Variants in FAS observed in about 807,000 individuals in gnomAD.
FAS encodes Fas cell surface death receptor.
Under a neutral mutation model 33.2 loss-of-function variants are expected in FAS, and 5 were observed. The ratio of observed to expected loss-of-function variants is 0.15; its 90% confidence interval spans 0.08 to 0.32. The LOEUF (loss-of-function observed/expected upper bound fraction) is 0.32, where lower values mean the gene tolerates loss of function less well. Ranked by LOEUF, FAS falls within the 10% of genes least tolerant of loss-of-function variation. FAS has a pLI of 1.00. For missense variants in FAS, 339 were observed against 386.0 expected (o/e 0.88, Z 1.02); for synonymous variants, 131 against 130.7 (o/e 1.00, Z -0.01).
At chr10:88,979,812 G>T (rs1337481763) in intron 2 of FAS, among the ~76,000 whole-genome samples, 1 of 152,176 alleles carries the variant, frequency 6.6e-6, no homozygotes, top group Non-Finnish European at 1.5e-5. Flanking sequence ...AGGATCCAGA[G>T]AGCAACAGCA....
rs372880667 is a variant in FAS at position 89,003,036 on chromosome 10, C to A, written c.38C>A (p.Thr13Lys). The A allele has an allele frequency of 6.2e-7, 1 of 1,614,082 alleles. No homozygotes were observed. ...CATGCTTTTATTTTACAGGTTCTTA[C>A]GTCTGTTGCTAGATTATCGTCCAAA... ...GIWTLLPLVL[T>K]SVARLSSKSV... The change falls in exon 2 of 9, where the codon ACG (threonine) becomes AAG (lysine). Residue 13 changes from threonine (T) to lysine (K), a missense_variant. Transcript: ENST00000652046.
Position 89,015,395 on chromosome 10 carries a change from T to C in FAS, c.*945T>C. On this transcript the variant is annotated 3_prime_UTR_variant, in exon 9 of 9. Transcript: ENST00000652046. ...ATGAACCCATGTTTGCAATCAAAGA[T>C]GATAAAATAGATTCTTATTTTTCCC... 1.9e-6 allele frequency: 1 copy of C among 531,516 alleles called. No individual in the cohort carries two copies. The highest frequency in any genetic ancestry group is 3.6e-6 in the Non-Finnish European group (1 of 274,218). The allele number at this position is 531,516 out of a possible 1,614,324, so 32.9% of individuals were successfully genotyped here.
upstream of FAS, chr10:88,990,561 C>G: frequency 1.6e-6 from 1 of 643,366 alleles, no homozygotes; most frequent in African/African-American, 1.8e-5. The surrounding 1 kb of genome is among the most constrained non-coding windows in gnomAD (Gnocchi z 4.9). Context: ...GTTGCTGAAT[C>G]AATGGAGCCC....
rs576065464 is a variant in FAS, at chr10:89,015,045, T to C, written c.*595T>C. The stretch of plus-strand genomic sequence containing the variant: ...TGCACAGTTTATTGGTGTCATATTA[T>C]ACAATATTTCAATTGTGAATTCACA... On this transcript the variant is annotated 3_prime_UTR_variant, in exon 9 of 9. Coordinates refer to ENST00000652046, the MANE Select transcript of FAS (RefSeq NM_000043.6). 3.7e-6 allele frequency: 2 copies of C among 534,276 alleles called. No homozygotes were observed. The highest frequency in any genetic ancestry group is 3.1e-5 in the South Asian group (2 of 65,104). The allele number at this position is 534,276 out of a possible 1,614,324, so 33.1% of individuals were successfully genotyped here.
chr10:88,971,921 T>C lies in FAS; in HGVS notation n.95-1261T>C, dbSNP rs1846455579. On this transcript the variant is annotated intron_variant and non_coding_transcript_variant, in intron 1 of 3. Transcript: ENST00000688239. ...CTGTCCAAGGGGACTACTTTTTTTT[T>C]TTTTTTTAGATGGAGTCTTGCTCTG... is the stretch of plus-strand genomic sequence containing the variant. Among the ~76,000 whole-genome samples, 3 of 151,998 alleles carry C rather than the reference T, an allele frequency of 2.0e-5. No homozygotes were observed. In the South Asian group the frequency reaches 6.2e-4, roughly 32 times the overall value.
chr10:88,999,742 A>T (rs1334826205), intron 1 of FAS, among the ~76,000 whole-genome samples: 1 of 152,216 alleles, frequency 6.6e-6, no homozygotes, highest in Non-Finnish European at 1.5e-5. Flanking sequence ...TAACAGCGCA[A>T]TGAGATCCTA....
At chr10:88,997,774 T>C (rs1160058049) in intron 1 of FAS, among the ~76,000 whole-genome samples, 1 of 152,188 alleles carries the variant, frequency 6.6e-6, no homozygotes. Flanking sequence ...ACTGAAAGTC[T>C]ACAAGCAGAC....
intron 1 of FAS, among the ~76,000 whole-genome samples, chr10:88,968,176 G>C (rs746984335): frequency 1.3e-5 from 2 of 152,084 alleles, no homozygotes; most frequent in Non-Finnish European, 2.9e-5. Context: ...TATTTAAATC[G>C]CTAAAAACTG....
intron 1 of FAS, among the ~76,000 whole-genome samples, chr10:88,998,717 A>G (rs955520528): frequency 6.6e-6 from 1 of 152,184 alleles, no homozygotes; most frequent in African/African-American, 2.4e-5. Context: ...TGCCATCTCT[A>G]TCAGAAAAGG....
chr10:88,985,653 C>T (rs1846859170), upstream of FAS, among the ~76,000 whole-genome samples: 1 of 152,228 alleles, frequency 6.6e-6, no homozygotes, highest in Non-Finnish European at 1.5e-5. Context: ...GTCCCCCACC[C>T]CCATCCCACT....
chr10:88,985,662 C>G (rs1846859783), upstream of FAS, among the ~76,000 whole-genome samples: 1 of 152,252 alleles, frequency 6.6e-6, no homozygotes, highest in African/African-American at 2.4e-5. Context: ...CCCCATCCCA[C>G]TCCCTGGCAC....
At chr10:88,990,745 C>A, upstream of FAS, 1 of 1,075,116 alleles carries the variant, frequency 9.3e-7, no homozygotes, top group Non-Finnish European at 1.4e-6. The surrounding 1 kb of genome is among the most constrained non-coding windows in gnomAD (Gnocchi z 4.9). Flanking sequence ...CAGGGGCGGG[C>A]ACTGGCACGG....
upstream of FAS, among the ~76,000 whole-genome samples, chr10:88,987,223 A>G (rs1455124845): frequency 6.6e-6 from 1 of 152,282 alleles, no homozygotes; most frequent in Non-Finnish European, 1.5e-5. Context: ...TTAAGCAATT[A>G]TCTTTACTTG....
intron 6 of FAS, 135 bp downstream of exon 6, chr10:89,010,950 C>A: frequency 2.0e-6 from 2 of 1,000,880 alleles, no homozygotes; most frequent in Non-Finnish European, 3.2e-6. Flanking sequence ...CCCCTGAATG[C>A]AGCCTTGAGA....
intron 2 of FAS, among the ~76,000 whole-genome samples, chr10:89,006,657 T>A (rs1198175771): frequency 6.6e-6 from 1 of 151,434 alleles, no homozygotes. Flanking sequence ...CCCATAGCAT[T>A]TTTTTAGCAC....
At position 89,014,330 on chromosome 10, in the gene FAS, A is replaced by C; in HGVS notation, c.888A>C (p.Lys296Asn). 6.2e-7 allele frequency: 1 copy of C among 1,614,002 alleles called. No homozygotes were observed. The highest frequency in any genetic ancestry group is 8.5e-7 in the Non-Finnish European group (1 of 1,179,936). ...AAGAAGCGTATGACACATTGATTAA[A>C]GATCTCAAAAAAGCCAATCTTTGTA... ...GKKEAYDTLI[K>N]DLKKANLCTL... is the part of the protein sequence containing the mutation. The change falls in exon 9 of 9, where the codon AAA becomes AAC. Residue 296 changes from lysine (K) to asparagine (N), a missense_variant. Lys to Asn is a moderately conservative substitution (Grantham distance 94, BLOSUM62 0). Transcript: ENST00000652046.
intron 1 of FAS, among the ~76,000 whole-genome samples, chr10:88,964,594 C>A (rs1438929613): frequency 6.6e-6 from 1 of 152,140 alleles, no homozygotes; most frequent in Non-Finnish European, 1.5e-5. Context: ...GAAGGAGGGA[C>A]ACCTTTATAA....
At chr10:88,996,722 C>T (rs9658695) in intron 1 of FAS, among the ~76,000 whole-genome samples, 48 of 152,180 alleles carry the variant, frequency 3.2e-4, no homozygotes, top group African/African-American at 1.2e-3. Flanking sequence ...GTACATAATT[C>T]AAGACATCAT....
Position 89,015,247 on chromosome 10 carries a change from C to T in FAS, c.*797C>T. ...TCATCTTAATGGCCTAATGCACCCCCAAACATGGAAATATCACCAAAAAAT... is the reference window on the plus strand; with the variant it reads ...TCATCTTAATGGCCTAATGCACCCCTAAACATGGAAATATCACCAAAAAAT... On this transcript the variant is annotated 3_prime_UTR_variant, in exon 9 of 9. Coordinates refer to ENST00000652046, the MANE Select transcript of FAS (RefSeq NM_000043.6). 1.9e-6 allele frequency: 1 copy of T among 534,788 alleles called. No homozygotes were observed. The highest frequency in any genetic ancestry group is 2.2e-5 in the Admixed American group (1 of 45,058). The allele number at this position is 534,788 out of a possible 1,614,324, so 33.1% of individuals were successfully genotyped here.
Sources: gnomAD v4.1 joint callset for allele counts (sites outside exome capture counted in the v4.1 genomes callset) on GRCh38, gnomAD v4.1.1 for gene constraint, Gnocchi (gnomAD v3.1) non-coding constraint, MANE v1.5 for transcripts, NCBI Gene and HGNC (gene_info 2026-07-23, HGNC 2026-07-21) for gene names.